Variants in MIB1 observed in about 807,000 individuals in gnomAD.
MIB1 encodes the protein MIB E3 ubiquitin protein ligase 1.
Under a neutral mutation model 124.5 loss-of-function variants are expected in MIB1, and 278 were observed. The observed-to-expected ratio is 2.23, with a 90% CI of 2.02 to 2.47. The LOEUF is 2.47. Among genes scored for constraint, MIB1 ranks in the 30% most tolerant of loss-of-function variants. The pLI is 0.00. For synonymous variants in MIB1, 446 were observed against 429.4 expected (o/e 1.04, Z -0.48); for missense variants, 957 against 1,254.4 (o/e 0.76, Z 3.58).
intron 1 of MIB1, among the ~76,000 whole-genome samples, chr18:21,728,086 G>A (rs2040750920): frequency 6.6e-6 from 1 of 152,198 alleles, no homozygotes; most frequent in Non-Finnish European, 1.5e-5. Context: ...CTAATATGCA[G>A]TTAGCATTTC....
At chr18:21,795,345 A>T (rs7242831) in intron 7 of MIB1, among the ~76,000 whole-genome samples, 4,461 of 141,790 alleles carry the variant, frequency 0.031, 102 homozygotes, top group East Asian at 0.068. Context: ...TAATATATAT[A>T]ATATATAAAT....
chr18:21,745,917 G>A (rs996053132), intron 1 of MIB1, among the ~76,000 whole-genome samples: 7 of 152,176 alleles, frequency 4.6e-5, no homozygotes, highest in African/African-American at 1.7e-4. Flanking sequence ...ATGTTGGCCA[G>A]GCTGGTCTCG....
chr18:21,734,612 T>G (rs1270658249), intron 1 of MIB1, among the ~76,000 whole-genome samples: 2 of 151,696 alleles, frequency 1.3e-5, no homozygotes, highest in Admixed American at 1.3e-4. Flanking sequence ...CACTGCAACC[T>G]TTACCTCTCT....
rs936131387 is a variant in MIB1, at chr18:21,792,680, C to T, written c.1092+1123C>T. On this transcript the variant is annotated intron_variant, in intron 7 of 20. Coordinates refer to ENST00000261537, the MANE Select transcript of MIB1 (RefSeq NM_020774.4). Reference sequence around the variant, plus strand: ...AAGACACTTCACAGTTTGTAGCTGCCGTACACATATACATACAATATTACA... The same window carrying T: ...AAGACACTTCACAGTTTGTAGCTGCTGTACACATATACATACAATATTACA... Among the ~76,000 whole-genome samples the T allele has an allele frequency of 3.3e-4, 50 of 152,092 alleles. 1 individual carries two copies. Among genetic ancestry groups the T allele is most frequent in the Admixed American group, 2.2e-3 (34 of 15,272 alleles).
In MIB1 at chr18:21,865,153, A is replaced by G. The variant is rs985361011; in HGVS notation, c.*487A>G. 2 of 152,368 alleles carry G rather than the reference A, an allele frequency of 1.3e-5. No individual in the cohort carries two copies. Among genetic ancestry groups the G allele is most frequent in the Admixed American group, 1.3e-4 (2 of 15,300 alleles). 9.4% of individuals were successfully genotyped at this position (152,368 alleles called of 1,614,324 possible). A position where few individuals can be genotyped will look rare whatever the true frequency, so the allele number is the denominator to read the frequency against. On this transcript the variant is annotated 3_prime_UTR_variant, in exon 21 of 21. Coordinates refer to ENST00000261537, the MANE Select transcript of MIB1 (RefSeq NM_020774.4). The stretch of plus-strand genomic sequence containing the variant: ...ATTATAAAATGACAGTACAAGTTCC[A>G]GATAGTTAAGGGAATACCGAAGGGA...
intron 15 of MIB1, among the ~76,000 whole-genome samples, chr18:21,846,594 T>C (rs572324994): frequency 6.6e-6 from 1 of 152,296 alleles, no homozygotes; most frequent in Non-Finnish European, 1.5e-5. Context: ...GAGAGTACTG[T>C]TTCTTTAGTA....
At chr18:21,769,942 G>T (rs1311079332) in intron 3 of MIB1, among the ~76,000 whole-genome samples, 2 of 152,186 alleles carry the variant, frequency 1.3e-5, no homozygotes, top group African/African-American at 4.8e-5. Context: ...GGTGGCTCAC[G>T]CCTGTAATCC....
In MIB1 at chr18:21,855,607, C is replaced by T. The variant is rs183510797; in HGVS notation, c.2666-1523C>T. Among the ~76,000 whole-genome samples, 187 of 152,314 alleles carry T rather than the reference C, an allele frequency of 1.2e-3. 1 individual carries two copies. Among genetic ancestry groups the T allele is most frequent in the Non-Finnish European group, 3.5e-4 (24 of 68,036 alleles). ...CACTTGTATAACCGAGCGTCAGACCCATTTATGTTTAGGCTTTGGCAAGAG... is the reference window on the plus strand; with the variant it reads ...CACTTGTATAACCGAGCGTCAGACCTATTTATGTTTAGGCTTTGGCAAGAG... On this transcript the variant is annotated intron_variant, in intron 18 of 20. Transcript: ENST00000261537.
At chr18:21,837,103 T>C (rs2042040462) in intron 12 of MIB1, among the ~76,000 whole-genome samples, 1 of 152,214 alleles carries the variant, frequency 6.6e-6, no homozygotes, top group South Asian at 2.1e-4. Flanking sequence ...CCTATAGCTT[T>C]CCAAAGAAGC....
At position 21,822,866 on chromosome 18, in the gene MIB1, G is replaced by A. The variant is rs1217914073; in HGVS notation, c.1829+3220G>A. ...TGTAATCCCAGCGACTTAGGAGGCT[G>A]AGGCAGGAGGATTGCTTGAAGCCAG... On this transcript the variant is annotated intron_variant, in intron 12 of 20. Transcript: ENST00000261537. Among the ~76,000 whole-genome samples, 3 of 152,164 alleles carry A rather than the reference G, an allele frequency of 2.0e-5. No homozygotes were observed. The East Asian group carries it at 5.8e-4, about 29-fold the overall frequency.
In MIB1 at chr18:21,867,954, A is replaced by G. The variant is rs1396244699; in HGVS notation, c.*3288A>G. ...GAAAGGAAAGTCAGCATTTGAGTGTAGAGAAAAAAAGAGGATCATACAGAT... is the reference window on the plus strand; with the variant it reads ...GAAAGGAAAGTCAGCATTTGAGTGTGGAGAAAAAAAGAGGATCATACAGAT... On this transcript the variant is annotated 3_prime_UTR_variant, in exon 21 of 21. Coordinates refer to ENST00000261537, the MANE Select transcript of MIB1 (RefSeq NM_020774.4). The G allele has an allele frequency of 1.3e-5, 2 of 152,124 alleles. No individual in the cohort carries two copies. The highest frequency in any genetic ancestry group is 1.3e-4 in the Admixed American group (2 of 15,272). The allele number at this position is 152,124 out of a possible 1,614,324, so 9.4% of individuals were successfully genotyped here. A position where few individuals can be genotyped will look rare whatever the true frequency, so the allele number is the denominator to read the frequency against.
At chr18:21,862,289 G>A (rs2042283656) in intron 20 of MIB1, among the ~76,000 whole-genome samples, 1 of 152,076 alleles carries the variant, frequency 6.6e-6, no homozygotes, top group Admixed American at 6.6e-5. Context: ...TGGAGGAGTG[G>A]GGCTACCAAT....
chr18:21,750,710 C>T (rs2040965039), intron 1 of MIB1, among the ~76,000 whole-genome samples: 1 of 152,046 alleles, frequency 6.6e-6, no homozygotes, highest in Non-Finnish European at 1.5e-5. Flanking sequence ...GTGATCCACC[C>T]GCCTCAGCCT....
At chr18:21,779,418 ATGC>A in intron 5 of MIB1, 60 bp from the exon 6 acceptor site, 1 of 1,276,530 alleles carries the variant, frequency 7.8e-7, no homozygotes, top group South Asian at 1.2e-5. Context: ...TTTAAAGATA[ATGC>A]AGCTGCCTGT....
chr18:21,791,601 C>T, intron 7 of MIB1, 44 bp downstream of exon 7: 1 of 1,430,158 alleles, frequency 7.0e-7, no homozygotes, highest in Non-Finnish European at 9.6e-7. Context: ...TTACAATATA[C>T]TTATGTCATT....
chr18:21,811,619 T>C (rs1447886750), intron 10 of MIB1, among the ~76,000 whole-genome samples: 1 of 152,220 alleles, frequency 6.6e-6, no homozygotes, highest in East Asian at 1.9e-4. Context: ...AGACAAATAC[T>C]GTATGGTTCC....
intron 10 of MIB1, 75 bp from the exon 11 acceptor site, chr18:21,815,540 TG>T (rs1161937720): frequency 2.4e-6 from 3 of 1,264,430 alleles, no homozygotes; most frequent in South Asian, 2.8e-5. Context: ...ATCTGCTTCT[TG>T]GTATATTATT....
chr18:21,825,691 G>A (rs925855039), intron 12 of MIB1: 11 of 530,804 alleles, frequency 2.1e-5, no homozygotes, highest in African/African-American at 5.8e-5. Context: ...TGGTTGTCCC[G>A]TAGTAATCAA....
intron 3 of MIB1, among the ~76,000 whole-genome samples, chr18:21,769,996 G>A (rs2041207114): frequency 6.6e-6 from 1 of 152,118 alleles, no homozygotes; most frequent in Non-Finnish European, 1.5e-5. Flanking sequence ...TTGAGGTCAG[G>A]AGTTTGAGAC....
Sources: allele counts gnomAD v4.1 joint callset (sites outside exome capture counted in the v4.1 genomes callset), GRCh38; gene constraint gnomAD v4.1.1; transcripts MANE v1.5; gene names NCBI Gene and HGNC (gene_info 2026-07-23, HGNC 2026-07-21).